ZNF703: variants seen among roughly 807,000 people sequenced by gnomAD.
ZNF703 encodes the protein zinc finger protein 703, also known as NocA-like zinc finger 1.
In ZNF703, 18 loss-of-function variants were observed where a neutral mutation model predicts 30.7. The observed-to-expected ratio is 0.59, with a 90% confidence interval of 0.40 to 0.87. ZNF703 has a LOEUF of 0.87. ZNF703 is among the 40% of genes least tolerant of loss of function. The probability of loss-of-function intolerance (pLI) is 0.00; values close to 1 mark genes in which losing one functional copy is unlikely to be tolerated. For missense variants in ZNF703, 814 were observed against 847.8 expected (o/e 0.96, Z 0.50); for synonymous variants, 457 against 438.6 (o/e 1.04, Z -0.52).
Position 37,697,064 on chromosome 8 carries a change from C to T in ZNF703, c.244-81C>T, listed in dbSNP as rs573260466. The T allele has an allele frequency of 3.2e-4, 443 of 1,395,828 alleles. 1 individual carries two copies. In the African/African-American group the frequency reaches 6.1e-3, roughly 19 times the overall value. 86.5% of individuals were successfully genotyped at this position (1,395,828 alleles called of 1,614,324 possible). A position where few individuals can be genotyped will look rare whatever the true frequency, so the allele number is the denominator to read the frequency against. On this transcript the variant is annotated intron_variant, in intron 1 of 1. Coordinates refer to ENST00000331569, the MANE Select transcript of ZNF703 (RefSeq NM_025069.3). ...CGCCCCGCCCCGTGGCGCCGCCGCCCAGCTCCCCGGGCGCCCCCGCTCGCC... is the reference window on the plus strand; with the variant it reads ...CGCCCCGCCCCGTGGCGCCGCCGCCTAGCTCCCCGGGCGCCCCCGCTCGCC...
rs962583895 is a variant in ZNF703 at position 37,698,208 on chromosome 8, C to T, written c.1307C>T (p.Ala436Val). The T allele has an allele frequency of 6.6e-6, 10 of 1,518,280 alleles. No individual in the cohort carries two copies. The highest frequency in any genetic ancestry group is 7.0e-6 in the Non-Finnish European group (8 of 1,139,922). 94.1% of individuals were successfully genotyped at this position (1,518,280 alleles called of 1,614,324 possible). A position where few individuals can be genotyped will look rare whatever the true frequency, so the allele number is the denominator to read the frequency against. The change falls in exon 2 of 2, where the codon GCG becomes GTG. Residue 436 changes from alanine (A) to valine (V), a missense_variant. Physicochemically the swap from Ala to Val is moderately conservative, Grantham distance 64. Coordinates refer to ENST00000331569, the MANE Select transcript of ZNF703 (RefSeq NM_025069.3). Reference protein sequence around the residue: ...AALSSSAAQAALPGHPLYTYG... With the variant: ...AALSSSAAQAVLPGHPLYTYG... ...CTCTCGTCCAGCGCCGCCCAGGCCG[C>T]GCTCCCCGGCCACCCGCTCTACACC...
chr8:37,697,121 T>TC, intron 1 of ZNF703, 24 bp from the exon 2 acceptor site: 4 of 1,502,868 alleles, frequency 2.7e-6, no homozygotes, highest in Non-Finnish European at 3.5e-6. Context: ...TCCTTCTCCC[T>TC]CCCCCTGCTT....
chr8:37,698,927 T>A lies in ZNF703; in HGVS notation c.*253T>A. On this transcript the variant is annotated 3_prime_UTR_variant, in exon 2 of 2. Coordinates refer to ENST00000331569, the MANE Select transcript of ZNF703 (RefSeq NM_025069.3). ...GTGTTCTCCCAAATAATAATATTAA[T>A]CCCACAAATAACGACATGATCCCCG... The A allele has an allele frequency of 2.6e-6, 1 of 380,198 alleles. No homozygotes were observed. Among genetic ancestry groups the A allele is most frequent in the South Asian group, 1.4e-4 (1 of 7,052 alleles). The allele number at this position is 380,198 out of a possible 1,614,324, so 23.6% of individuals were successfully genotyped here. A position where few individuals can be genotyped will look rare whatever the true frequency, so the allele number is the denominator to read the frequency against.
rs1451494175 is a variant in ZNF703, at chr8:37,695,865, G to T, written c.-115G>T. 2 of 1,011,492 alleles carry T rather than the reference G, an allele frequency of 2.0e-6. No individual in the cohort carries two copies. The highest frequency in any genetic ancestry group is 4.2e-5 in the Admixed American group (1 of 23,778). 62.7% of individuals were successfully genotyped at this position (1,011,492 alleles called of 1,614,324 possible). On this transcript the variant is annotated 5_prime_UTR_variant, in exon 1 of 2. Transcript: ENST00000331569. ...GGAGGAGGGGAGGCGGCGAGGAGGC[G>T]CAGCTCCCGCTGCACCGCGATCGAC... is the stretch of plus-strand genomic sequence containing the variant.
In ZNF703 at chr8:37,696,512, C is replaced by T. The variant is rs533028250; in HGVS notation, c.243+290C>T. Among the ~76,000 whole-genome samples the T allele has an allele frequency of 6.6e-6, 1 of 152,124 alleles. No homozygotes were observed. Among genetic ancestry groups the T allele is most frequent in the African/African-American group, 2.4e-5 (1 of 41,444 alleles). The stretch of plus-strand genomic sequence containing the variant: ...TGGGTCCTTTACTTTTCCTCTGATC[C>T]CCAGTTTCCAGCCAGGAGTTGGTCT... On this transcript the variant is annotated intron_variant, in intron 1 of 1. Transcript: ENST00000331569. The surrounding 1 kb of genome is among the most constrained non-coding windows in gnomAD (Gnocchi z 8.2).
chr8:37,695,935 G>A lies in ZNF703; in HGVS notation c.-45G>A. 1 of 1,406,486 alleles carries A rather than the reference G, an allele frequency of 7.1e-7. No individual in the cohort carries two copies. Among genetic ancestry groups the A allele is most frequent in the Admixed American group, 2.7e-5 (1 of 37,674 alleles). 87.1% of individuals were successfully genotyped at this position (1,406,486 alleles called of 1,614,324 possible). A position where few individuals can be genotyped will look rare whatever the true frequency, so the allele number is the denominator to read the frequency against. On this transcript the variant is annotated 5_prime_UTR_variant, in exon 1 of 2. Coordinates refer to ENST00000331569, the MANE Select transcript of ZNF703 (RefSeq NM_025069.3). ...CGCCCCGGGAGCTCGCCTCCCCGGT[G>A]CTCCCCCGCCCTCCCCGCCCCCCCA... is the stretch of plus-strand genomic sequence containing the variant.
At position 37,698,215 on chromosome 8, in the gene ZNF703, C is replaced by G. The variant is rs1314725054; in HGVS notation, c.1314C>G (p.Pro438=). ...CCAGCGCCGCCCAGGCCGCGCTCCCCGGCCACCCGCTCTACACCTACGGCT... is the reference window on the plus strand; with the variant it reads ...CCAGCGCCGCCCAGGCCGCGCTCCCGGGCCACCCGCTCTACACCTACGGCT... ...LSSSAAQAAL[P]GHPLYTYGFM... is the part of the protein sequence containing the mutation. Residue 438 remains proline (P), a synonymous_variant, in exon 2 of 2, where the codon CCC becomes CCG. Transcript: ENST00000331569. 6.5e-7 allele frequency: 1 copy of G among 1,527,480 alleles called. No individual in the cohort carries two copies. Among genetic ancestry groups the G allele is most frequent in the Admixed American group, 2.0e-5 (1 of 50,556 alleles). 94.6% of individuals were successfully genotyped at this position (1,527,480 alleles called of 1,614,324 possible).
chr8:37,698,733 C>T lies in ZNF703; in HGVS notation c.*59C>T, dbSNP rs1455125774. 7.4e-7 allele frequency: 1 copy of T among 1,349,420 alleles called. No individual in the cohort carries two copies. The highest frequency in any genetic ancestry group is 2.0e-5 in the South Asian group (1 of 49,368). 83.6% of individuals were successfully genotyped at this position (1,349,420 alleles called of 1,614,324 possible). On this transcript the variant is annotated 3_prime_UTR_variant, in exon 2 of 2. Coordinates refer to ENST00000331569, the MANE Select transcript of ZNF703 (RefSeq NM_025069.3). ...CTCCTCCCTCTCCCTCCTCCTCCCT[C>T]CCCACCTGCCGTCGCCGCTGCAACC...
Position 37,698,386 on chromosome 8 carries a change from C to T in ZNF703, c.1485C>T (p.Ala495=). The T allele has an allele frequency of 6.6e-7, 1 of 1,522,580 alleles. No homozygotes were observed. The highest frequency in any genetic ancestry group is 1.9e-4 in the Middle Eastern group (1 of 5,324). 94.3% of individuals were successfully genotyped at this position (1,522,580 alleles called of 1,614,324 possible). Residue 495 remains alanine (A), a synonymous_variant, in exon 2 of 2, where the codon GCC becomes GCT. Transcript: ENST00000331569. ...TGCCGGGAGCCGAGAAACTTCTGGCCGCCTACCCCGGGGCCTCGGGCCTGG... is the reference window on the plus strand; with the variant it reads ...TGCCGGGAGCCGAGAAACTTCTGGCTGCCTACCCCGGGGCCTCGGGCCTGG... ...TALPGAEKLL[A]AYPGASGLGS...
At position 37,698,842 on chromosome 8, in the gene ZNF703, A is replaced by G. The variant is rs767453916; in HGVS notation, c.*168A>G. The G allele has an allele frequency of 9.4e-6, 5 of 531,014 alleles. No individual in the cohort carries two copies. The highest frequency in any genetic ancestry group is 2.0e-5 in the African/African-American group (1 of 50,484). The allele number at this position is 531,014 out of a possible 1,614,324, so 32.9% of individuals were successfully genotyped here. ...TATTTATTTACTATAATGTTAGCTT[A>G]CAAGCTGGGAATATAAGTGCATTAA... On this transcript the variant is annotated 3_prime_UTR_variant, in exon 2 of 2. Transcript: ENST00000331569.
At position 37,695,996 on chromosome 8, in the gene ZNF703, C is replaced by T; in HGVS notation, c.17C>T (p.Ala6Val). MSDSP[A>V]GSNPRTPESS... is the part of the protein sequence containing the mutation. The stretch of plus-strand genomic sequence containing the variant: ...CTCCTCCAAATGAGCGATTCGCCCG[C>T]TGGATCTAACCCAAGGACACCCGAA... The change falls in exon 1 of 2, where the codon GCT becomes GTT. Residue 6 changes from alanine (A) to valine (V), a missense_variant. Coordinates refer to ENST00000331569, the MANE Select transcript of ZNF703 (RefSeq NM_025069.3). 3 of 1,532,290 alleles carry T rather than the reference C, an allele frequency of 2.0e-6. No individual in the cohort carries two copies. The East Asian group carries it at 7.6e-5, about 39-fold the overall frequency. The allele number at this position is 1,532,290 out of a possible 1,614,324, so 94.9% of individuals were successfully genotyped here.
chr8:37,697,489 C>T lies in ZNF703; in HGVS notation c.588C>T (p.Ser196=), dbSNP rs751792547. The change falls in exon 2 of 2, where the codon AGC becomes AGT. Residue 196 remains serine, a synonymous_variant. Coordinates refer to ENST00000331569, the MANE Select transcript of ZNF703 (RefSeq NM_025069.3). ...ACAAGGCGGGCTTCAGGGTCCCCAG[C>T]GCCGCCTGCCCGCCCTTTCCCCCGC... ...PGDKAGFRVP[S]AACPPFPPHG... 3.3e-6 allele frequency: 5 copies of T among 1,534,728 alleles called. No individual in the cohort carries two copies. The highest frequency in any genetic ancestry group is 1.7e-6 in the Non-Finnish European group (2 of 1,145,386).
chr8:37,697,632 A>G lies in ZNF703; in HGVS notation c.731A>G (p.Lys244Arg). The G allele has an allele frequency of 7.1e-7, 1 of 1,405,254 alleles. No homozygotes were observed. Among genetic ancestry groups the G allele is most frequent in the Non-Finnish European group, 9.2e-7 (1 of 1,087,322 alleles). The allele number at this position is 1,405,254 out of a possible 1,614,324, so 87.0% of individuals were successfully genotyped here. A position where few individuals can be genotyped will look rare whatever the true frequency, so the allele number is the denominator to read the frequency against. The change falls in exon 2 of 2, where the codon AAG becomes AGG. Residue 244 changes from lysine (K) to arginine (R), a missense_variant. Physicochemically the swap from Lys to Arg is conservative, Grantham distance 26 (BLOSUM62 2). Coordinates refer to ENST00000331569, the MANE Select transcript of ZNF703 (RefSeq NM_025069.3). ...GGGVGGGELD[K>R]KDQEPKPSPE... ...GGGGTTGGCGGCGGGGAGCTGGACA[A>G]GAAAGACCAGGAGCCCAAGCCCAGC... is the stretch of plus-strand genomic sequence containing the variant.
Position 37,697,426 on chromosome 8 carries a change from G to T in ZNF703, c.525G>T (p.Val175=), listed in dbSNP as rs764398983. ...GCAAAGACAGCGGCTCCTCCTCGGT[G>T]TCTTCCACCTCCTCCTCGTCCTCCT... ...DSRKDSGSSS[V]SSTSSSSSSS... Residue 175 remains valine (V), a synonymous_variant, in exon 2 of 2, where the codon GTG becomes GTT. Transcript: ENST00000331569. The T allele has an allele frequency of 2.6e-6, 4 of 1,547,836 alleles. No individual in the cohort carries two copies. The highest frequency in any genetic ancestry group is 3.5e-6 in the Non-Finnish European group (4 of 1,147,530).
In ZNF703 at chr8:37,697,177, G is replaced by C; in HGVS notation, c.276G>C (p.Leu92=). The change falls in exon 2 of 2, where the codon CTG becomes CTC. Residue 92 remains leucine (L), a synonymous_variant. Transcript: ENST00000331569. Reference sequence around the variant, plus strand: ...CCAAGAAGAGCCCCTTGGCGCTGCTGGCTCAGACCTGCTCGCAGATCGGCA... The same window carrying C: ...CCAAGAAGAGCCCCTTGGCGCTGCTCGCTCAGACCTGCTCGCAGATCGGCA... The part of the protein sequence containing the change: ...LDAKKSPLAL[L]AQTCSQIGKP... 6.3e-7 allele frequency: 1 copy of C among 1,588,094 alleles called. No homozygotes were observed. The highest frequency in any genetic ancestry group is 8.5e-7 in the Non-Finnish European group (1 of 1,170,364).
rs779605254 is a variant in ZNF703 at position 37,698,041 on chromosome 8, T to C, written c.1140T>C (p.Tyr380=). 6.5e-7 allele frequency: 1 copy of C among 1,529,206 alleles called. No homozygotes were observed. The highest frequency in any genetic ancestry group is 8.8e-7 in the Non-Finnish European group (1 of 1,131,246). The allele number at this position is 1,529,206 out of a possible 1,614,324, so 94.7% of individuals were successfully genotyped here. Residue 380 remains tyrosine, a synonymous_variant, in exon 2 of 2, where the codon TAT becomes TAC. Transcript: ENST00000331569. ...SFLQGLCRDP[Y]CLGGYHGASH... ...TGCAGGGATTATGCCGCGACCCCTA[T>C]TGCTTGGGAGGTTACCACGGCGCCT...
chr8:37,697,369 C>T lies in ZNF703; in HGVS notation c.468C>T (p.Pro156=), dbSNP rs1802087788. 2 of 1,559,440 alleles carry T rather than the reference C, an allele frequency of 1.3e-6. No homozygotes were observed. Among genetic ancestry groups the T allele is most frequent in the Non-Finnish European group, 1.7e-6 (2 of 1,153,418 alleles). ...CCGAGGACAAGTCCAGCTTCAAGCC[C>T]TACTCCAAGGGCTCCGGCGGCGGCG... The part of the protein sequence containing the change: ...SPAEDKSSFK[P]YSKGSGGGDS... The change falls in exon 2 of 2, where the codon CCC becomes CCT. Residue 156 remains proline, a synonymous_variant. Coordinates refer to ENST00000331569, the MANE Select transcript of ZNF703 (RefSeq NM_025069.3).
rs749688143 is a variant in ZNF703 at position 37,698,363 on chromosome 8, C to T, written c.1462C>T (p.Pro488Ser). ...CCACCTACGGACCCACACGGCCCTG[C>T]CGGGAGCCGAGAAACTTCTGGCCGC... Reference protein sequence around the residue: ...LSHLRTHTALPGAEKLLAAYP... With the variant: ...LSHLRTHTALSGAEKLLAAYP... The change falls in exon 2 of 2, where the codon CCG becomes TCG. Residue 488 changes from proline (P) to serine (S), a missense_variant. Coordinates refer to ENST00000331569, the MANE Select transcript of ZNF703 (RefSeq NM_025069.3). 6 of 1,530,422 alleles carry T rather than the reference C, an allele frequency of 3.9e-6. No homozygotes were observed. The South Asian group carries it at 4.9e-5, about 12-fold the overall frequency. 94.8% of individuals were successfully genotyped at this position (1,530,422 alleles called of 1,614,324 possible).
rs1802112309 is a variant in ZNF703 at position 37,698,393 on chromosome 8, C to G, written c.1492C>G (p.Pro498Ala). Residue 498 changes from proline (P) to alanine (A), a missense_variant, in exon 2 of 2, where the codon CCC becomes GCC. Coordinates refer to ENST00000331569, the MANE Select transcript of ZNF703 (RefSeq NM_025069.3). ...AGCCGAGAAACTTCTGGCCGCCTAC[C>G]CCGGGGCCTCGGGCCTGGGCAGCGC... ...PGAEKLLAAY[P>A]GASGLGSAAA... 6.6e-7 allele frequency: 1 copy of G among 1,521,326 alleles called. No individual in the cohort carries two copies. Among genetic ancestry groups the G allele is most frequent in the South Asian group, 1.2e-5 (1 of 81,084 alleles). The allele number at this position is 1,521,326 out of a possible 1,614,324, so 94.2% of individuals were successfully genotyped here.
Sources: allele counts gnomAD v4.1 joint callset (sites outside exome capture counted in the v4.1 genomes callset), GRCh38; gene constraint gnomAD v4.1.1; non-coding constraint Gnocchi (gnomAD v3.1); transcripts MANE v1.5; gene names NCBI Gene and HGNC (gene_info 2026-07-23, HGNC 2026-07-21).